Variants in NECTIN3 observed in about 807,000 individuals in gnomAD.
The protein encoded by NECTIN3 is nectin cell adhesion molecule 3.
Under a neutral mutation model 49.4 loss-of-function variants are expected in NECTIN3, and 8 were observed. That is an observed-to-expected ratio of 0.16 (90% CI 0.10 to 0.29). NECTIN3 has a LOEUF of 0.29. Among genes scored for constraint, NECTIN3 ranks in the 10% least tolerant of loss-of-function variants. The probability of loss-of-function intolerance (pLI) is 1.00; values close to 1 mark genes in which losing one functional copy is unlikely to be tolerated. For synonymous variants in NECTIN3, 277 were observed against 241.1 expected, an observed-to-expected ratio of 1.15 and a Z score of -1.38; for missense variants, 581 against 654.6, an observed-to-expected ratio of 0.89 and a Z score of 1.23.
intron 1 of NECTIN3, among the ~76,000 whole-genome samples, chr3:111,093,537 T>C (rs1272291657): frequency 3.3e-5 from 5 of 151,536 alleles, no homozygotes; most frequent in East Asian, 2.0e-4. Context: ...TGGGTTCAAG[T>C]GATTCTCCTA....
intron 7 of NECTIN3, among the ~76,000 whole-genome samples, chr3:111,166,849 G>C (rs1476652723): frequency 6.6e-6 from 1 of 152,194 alleles, no homozygotes. Flanking sequence ...CTATGTATAT[G>C]TGAATACATG....
chr3:111,152,068 C>A (rs534201591), intron 7 of NECTIN3, among the ~76,000 whole-genome samples: 1 of 151,836 alleles, frequency 6.6e-6, no homozygotes, highest in South Asian at 2.1e-4. Context: ...TACTGGAGAT[C>A]TTTTATTATT....
intron 1 of NECTIN3, among the ~76,000 whole-genome samples, chr3:111,098,556 T>G (rs2032722873): frequency 2.0e-5 from 3 of 152,222 alleles, no homozygotes; most frequent in Non-Finnish European, 4.4e-5. Flanking sequence ...CTGTGTATTT[T>G]CTGTAAGGAC....
chr3:111,161,006 C>G (rs2035202637), intron 7 of NECTIN3, among the ~76,000 whole-genome samples: 1 of 151,380 alleles, frequency 6.6e-6, no homozygotes, highest in Non-Finnish European at 1.5e-5. Flanking sequence ...GACTCCGTCT[C>G]AAAAAAAATG....
chr3:111,178,348 A>G (rs2035568450), intron 7 of NECTIN3, among the ~76,000 whole-genome samples: 1 of 152,158 alleles, frequency 6.6e-6, no homozygotes, highest in Admixed American at 6.5e-5. Context: ...TACAATCTAT[A>G]ATATTACAAA....
chr3:111,150,447 T>C (rs1332605696), intron 7 of NECTIN3, among the ~76,000 whole-genome samples: 2 of 151,896 alleles, frequency 1.3e-5, no homozygotes, highest in Admixed American at 1.3e-4. Flanking sequence ...TTAAGACATT[T>C]GGTTTATATA....
intron 1 of NECTIN3, among the ~76,000 whole-genome samples, chr3:111,106,564 G>C (rs2033191402): frequency 1.3e-5 from 2 of 152,158 alleles, no homozygotes; most frequent in Admixed American, 1.3e-4. Flanking sequence ...TATATTTTCA[G>C]AGTTGACATG....
chr3:111,089,817 AT>A (rs900310031), intron 1 of NECTIN3, among the ~76,000 whole-genome samples: 4 of 150,064 alleles, frequency 2.7e-5, no homozygotes, highest in Non-Finnish European at 4.5e-5. Flanking sequence ...ACCCTTTCTG[AT>A]TTTTTTTTGC....
chr3:111,120,561 T>C (rs977637809), intron 3 of NECTIN3, among the ~76,000 whole-genome samples: 6 of 152,322 alleles, frequency 3.9e-5, no homozygotes, highest in Non-Finnish European at 5.9e-5. Context: ...ATCTTTGTTT[T>C]TTTTTAATTT....
At chr3:111,075,346 T>G (rs2031107811) in intron 1 of NECTIN3, 1 of 152,136 alleles carries the variant, frequency 6.6e-6, no homozygotes, top group African/African-American at 2.4e-5. Flanking sequence ...CTTCCCTCCC[T>G]TCCTCTCTTT....
At chr3:111,125,210 G>A (rs994110242) in intron 4 of NECTIN3, among the ~76,000 whole-genome samples, 26 of 151,388 alleles carry the variant, frequency 1.7e-4, no homozygotes, top group Non-Finnish European at 3.7e-4. Context: ...TGTATTTTTA[G>A]TAGAGACAGG....
intron 7 of NECTIN3, among the ~76,000 whole-genome samples, chr3:111,173,035 C>CA (rs1180388193): frequency 2.6e-5 from 4 of 152,174 alleles, no homozygotes; most frequent in African/African-American, 9.7e-5. Flanking sequence ...CATTTAGAAA[C>CA]AGGGCTACAA....
At chr3:111,092,393 A>G (rs549776405) in intron 1 of NECTIN3, among the ~76,000 whole-genome samples, 1 of 152,192 alleles carries the variant, frequency 6.6e-6, no homozygotes, top group African/African-American at 2.4e-5. Context: ...ATGAAGATGT[A>G]CTACAGTATT....
intron 5 of NECTIN3, among the ~76,000 whole-genome samples, chr3:111,131,957 G>A (rs986824036): frequency 1.3e-5 from 2 of 151,736 alleles, no homozygotes; most frequent in Non-Finnish European, 3.0e-5. Context: ...ATCATTGTAA[G>A]GATGACATTC....
At chr3:111,176,561 T>C (rs2035532022) in intron 7 of NECTIN3, among the ~76,000 whole-genome samples, 1 of 152,230 alleles carries the variant, frequency 6.6e-6, no homozygotes, top group African/African-American at 2.4e-5. Context: ...TTCCTGAAAG[T>C]TAATATTAAC....
At chr3:111,077,508 A>G (rs2031299773) in intron 1 of NECTIN3, among the ~76,000 whole-genome samples, 1 of 152,128 alleles carries the variant, frequency 6.6e-6, no homozygotes, top group Non-Finnish European at 1.5e-5. Context: ...TAGAGCCTGC[A>G]AAGATAGGAT....
intron 1 of NECTIN3, chr3:111,074,138 C>G: frequency 4.5e-6 from 2 of 446,010 alleles, no homozygotes; most frequent in Non-Finnish European, 9.1e-6. Flanking sequence ...AATTTGTGAA[C>G]CTTTATGACG....
At position 111,137,066 on chromosome 3, in the gene NECTIN3, AT is replaced by A. The variant is rs1229610520; in HGVS notation, c.*2855del. On this transcript the variant is annotated 3_prime_UTR_variant, in exon 6 of 6. Transcript: ENST00000485303. ...TTTATAAGATAACCCACGGCTAAAT[AT>A]TTTGCATTAAGGAGCTGTAGGAGTA... 2.0e-6 allele frequency: 2 copies of A among 982,838 alleles called. No homozygotes were observed. The highest frequency in any genetic ancestry group is 3.5e-5 in the African/African-American group (2 of 57,106). 60.9% of individuals were successfully genotyped at this position (982,838 alleles called of 1,614,324 possible).
intron 1 of NECTIN3, among the ~76,000 whole-genome samples, chr3:111,110,865 T>C (rs2033428072): frequency 6.6e-6 from 1 of 152,106 alleles, no homozygotes; most frequent in African/African-American, 2.4e-5. Flanking sequence ...TTTGTTTTTG[T>C]TTATTCCTCT....
Sources: allele counts gnomAD v4.1 joint callset (sites outside exome capture counted in the v4.1 genomes callset), GRCh38; gene constraint gnomAD v4.1.1; transcripts MANE v1.5; gene names NCBI Gene and HGNC (gene_info 2026-07-23, HGNC 2026-07-21).